The following FGFR1 variants were observed in gnomAD, a reference collection of about 807,000 sequenced individuals.
FGFR1 encodes fibroblast growth factor receptor 1, also known as FGFR1/PLAG1 fusion.
FGFR1 carries 18 observed loss-of-function variants against 93.7 expected under a neutral mutation model. The ratio of observed to expected loss-of-function variants is 0.19; its 90% CI spans 0.13 to 0.28. FGFR1 has a LOEUF of 0.28. Ranked by LOEUF, FGFR1 falls within the 10% of genes least tolerant of loss-of-function variation. The pLI is 1.00. For missense variants in FGFR1, 731 were observed against 1,080.4 expected (o/e 0.68, Z 4.53); for synonymous variants, 448 against 429.3 (o/e 1.04, Z -0.54).
Position 38,412,340 on chromosome 8 carries a change from G to T in FGFR1, c.*1288C>A, listed in dbSNP as rs897414382. The T allele has an allele frequency of 2.2e-5, 5 of 230,664 alleles. No individual in the cohort carries two copies. The highest frequency in any genetic ancestry group is 3.6e-4 in the South Asian group (2 of 5,510). 14.3% of individuals were successfully genotyped at this position (230,664 alleles called of 1,614,324 possible). A position where few individuals can be genotyped will look rare whatever the true frequency, so the allele number is the denominator to read the frequency against. On this transcript the variant is annotated 3_prime_UTR_variant, in exon 18 of 18. Coordinates refer to ENST00000447712, the MANE Select transcript of FGFR1 (RefSeq NM_023110.3). ...GCTGGGATTACAGGCGTGAGCAACC[G>T]CGCCCTTGCTTTCCTCTTAATCACT...
chr8:38,468,008 G>C lies in FGFR1; in HGVS notation c.-116C>G. 3 of 220,884 alleles carry C rather than the reference G, an allele frequency of 1.4e-5. No individual in the cohort carries two copies. The highest frequency in any genetic ancestry group is 2.7e-5 in the Non-Finnish European group (3 of 110,122). 13.7% of individuals were successfully genotyped at this position (220,884 alleles called of 1,614,324 possible). On this transcript the variant is annotated 5_prime_UTR_variant, in exon 1 of 18. Transcript: ENST00000447712. ...CGCTCGGCGTGGAGGTTCCGCCTCG[G>C]GAGAGTCCGCCGTGGCTTGTGCGAG...
At chr8:38,455,014 C>T (rs1832376415) in intron 2 of FGFR1, among the ~76,000 whole-genome samples, 2 of 128,380 alleles carry the variant, frequency 1.6e-5, no homozygotes, top group Non-Finnish European at 3.1e-5. Flanking sequence ...TTCACTCTGT[C>T]ACCCAGGCTG....
chr8:38,430,115 TGGGTC>T, intron 2 of FGFR1, 167 bp from the exon 3 acceptor site: 1 of 661,522 alleles, frequency 1.5e-6, no homozygotes, highest in Non-Finnish European at 2.5e-6. Context: ...AATTGGAGCA[TGGGTC>T]AGTGGGGAAA....
At chr8:38,444,725 C>G (rs1409267834) in intron 2 of FGFR1, among the ~76,000 whole-genome samples, 1 of 151,990 alleles carries the variant, frequency 6.6e-6, no homozygotes, top group Non-Finnish European at 1.5e-5. Context: ...GAGTGTGTGG[C>G]TCTGTGGTAG....
At chr8:38,416,353 C>T (rs945602498) in intron 12 of FGFR1, among the ~76,000 whole-genome samples, 6 of 151,894 alleles carry the variant, frequency 4.0e-5, no homozygotes, top group Admixed American at 6.6e-5. Context: ...GGCGCAATTT[C>T]GGCTCACTGC....
intron 2 of FGFR1, among the ~76,000 whole-genome samples, chr8:38,442,854 A>C (rs543263428): frequency 1.3e-5 from 2 of 152,302 alleles, no homozygotes; most frequent in Non-Finnish European, 1.5e-5. Flanking sequence ...TTGAGCTCAC[A>C]GTTCACCTGG....
At chr8:38,465,151 T>G (rs1182738927) in intron 1 of FGFR1, among the ~76,000 whole-genome samples, 2 of 152,164 alleles carry the variant, frequency 1.3e-5, no homozygotes, top group African/African-American at 4.8e-5. Context: ...TGGGGGACGC[T>G]TCTCCATTTC....
chr8:38,440,460 G>A (rs1016509267), intron 2 of FGFR1: 2 of 1,107,324 alleles, frequency 1.8e-6, no homozygotes, highest in African/African-American at 3.2e-5. Context: ...TGCAAAAATG[G>A]GGGGCACAGG....
At chr8:38,432,086 T>C (rs1436892755) in intron 2 of FGFR1, among the ~76,000 whole-genome samples, 6 of 152,272 alleles carry the variant, frequency 3.9e-5, no homozygotes, top group Non-Finnish European at 5.9e-5. Flanking sequence ...ACAAGGCCTA[T>C]TGCAGCCGAT....
rs777850582 is a variant in FGFR1, at chr8:38,413,828, C to G, written c.2293-24G>C. On this transcript the variant is annotated intron_variant, in intron 17 of 17. Coordinates refer to ENST00000447712, the MANE Select transcript of FGFR1 (RefSeq NM_023110.3). This position sits in a 1 kb window ranked among gnomAD's most constrained non-coding sequence, Gnocchi z 4.2. ...TCCTGTGATGGGCGAGAGGAAGCAG[C>G]GATGGGCCGGGCCCCTCCTCCCTGC... 1 of 1,613,816 alleles carries G rather than the reference C, an allele frequency of 6.2e-7. No homozygotes were observed. The highest frequency in any genetic ancestry group is 8.5e-7 in the Non-Finnish European group (1 of 1,179,842).
In FGFR1 at chr8:38,412,571, G is replaced by A. The variant is rs550448116; in HGVS notation, c.*1057C>T. 15 of 233,558 alleles carry A rather than the reference G, an allele frequency of 6.4e-5. No homozygotes were observed. Among genetic ancestry groups the A allele is most frequent in the Admixed American group, 2.8e-4 (5 of 17,804 alleles). 14.5% of individuals were successfully genotyped at this position (233,558 alleles called of 1,614,324 possible). A position where few individuals can be genotyped will look rare whatever the true frequency, so the allele number is the denominator to read the frequency against. On this transcript the variant is annotated 3_prime_UTR_variant, in exon 18 of 18. Transcript: ENST00000447712. ...CAAAAGCAGCGGAGAGGCAGGAGGT[G>A]CGTCGTGAGGTCTGGGTGCAGGACC... is the stretch of plus-strand genomic sequence containing the variant.
chr8:38,467,996 G>C lies in FGFR1; in HGVS notation c.-104C>G, dbSNP rs758537375. On this transcript the variant is annotated 5_prime_UTR_variant, in exon 1 of 18. Coordinates refer to ENST00000447712, the MANE Select transcript of FGFR1 (RefSeq NM_023110.3). Reference sequence around the variant, plus strand: ...CGGCTCTTACCTCGCTCGGCGTGGAGGTTCCGCCTCGGGAGAGTCCGCCGT... The same window carrying C: ...CGGCTCTTACCTCGCTCGGCGTGGACGTTCCGCCTCGGGAGAGTCCGCCGT... 4.6e-5 allele frequency: 10 copies of C among 219,568 alleles called. 1 individual carries two copies. The South Asian group carries it at 5.5e-4, about 12-fold the overall frequency. The allele number at this position is 219,568 out of a possible 1,614,324, so 13.6% of individuals were successfully genotyped here. A position where few individuals can be genotyped will look rare whatever the true frequency, so the allele number is the denominator to read the frequency against.
chr8:38,468,237 G>A lies in FGFR1; in HGVS notation c.-345C>T. 4.4e-6 allele frequency: 1 copy of A among 228,604 alleles called. No individual in the cohort carries two copies. The highest frequency in any genetic ancestry group is 8.7e-6 in the Non-Finnish European group (1 of 114,916). The allele number at this position is 228,604 out of a possible 1,614,324, so 14.2% of individuals were successfully genotyped here. A position where few individuals can be genotyped will look rare whatever the true frequency, so the allele number is the denominator to read the frequency against. On this transcript the variant is annotated 5_prime_UTR_variant, in exon 1 of 18. Transcript: ENST00000447712. ...GGAGGGCTCCCGTCCGCCACCCGGGGTCTCCAGACCTTGTGCCCCCCTCCT... is the reference window on the plus strand; with the variant it reads ...GGAGGGCTCCCGTCCGCCACCCGGGATCTCCAGACCTTGTGCCCCCCTCCT...
At position 38,412,866 on chromosome 8, in the gene FGFR1, T is replaced by C. The variant is rs886062914; in HGVS notation, c.*762A>G. 5 of 233,554 alleles carry C rather than the reference T, an allele frequency of 2.1e-5. No individual in the cohort carries two copies. Among genetic ancestry groups the C allele is most frequent in the Non-Finnish European group, 4.2e-5 (5 of 118,034 alleles). 14.5% of individuals were successfully genotyped at this position (233,554 alleles called of 1,614,324 possible). ...ATTTTCCTTTTTTTTCTTTTTTGTT[T>C]TTAATATATAGCAACTGATGCCTCC... On this transcript the variant is annotated 3_prime_UTR_variant, in exon 18 of 18. Coordinates refer to ENST00000447712, the MANE Select transcript of FGFR1 (RefSeq NM_023110.3).
chr8:38,452,286 G>A (rs1294207627), intron 2 of FGFR1, among the ~76,000 whole-genome samples: 1 of 151,812 alleles, frequency 6.6e-6, no homozygotes, highest in East Asian at 1.9e-4. Flanking sequence ...GGAAAACTCA[G>A]TGTGAACAGG....
rs141779740 is a variant in FGFR1 at position 38,418,520 on chromosome 8, A to G, written c.1285-147T>C. ...CTCAACACAGAGTGGTCCAAAGACCATGGTAGGCCAGGAGGCCCAACTTCT... is the reference window on the plus strand; with the variant it reads ...CTCAACACAGAGTGGTCCAAAGACCGTGGTAGGCCAGGAGGCCCAACTTCT... On this transcript the variant is annotated intron_variant, in intron 9 of 17. Transcript: ENST00000447712. 1.5e-4 allele frequency: 159 copies of G among 1,028,282 alleles called. 1 individual carries two copies. The East Asian group carries it at 4.1e-3, about 26-fold the overall frequency. The allele number at this position is 1,028,282 out of a possible 1,614,324, so 63.7% of individuals were successfully genotyped here. A position where few individuals can be genotyped will look rare whatever the true frequency, so the allele number is the denominator to read the frequency against.
chr8:38,432,202 G>A (rs1054354129), intron 2 of FGFR1, among the ~76,000 whole-genome samples: 1 of 152,030 alleles, frequency 6.6e-6, no homozygotes, highest in African/African-American at 2.4e-5. Flanking sequence ...GCCCTGGTGA[G>A]ACCCGCTCTA....
At chr8:38,423,748 G>C (rs1184730637) in intron 7 of FGFR1, 1 of 159,116 alleles carries the variant, frequency 6.3e-6, no homozygotes, top group Non-Finnish European at 1.4e-5. Context: ...ACTGGAGCAG[G>C]GGTTGTGAGT....
Position 38,439,981 on chromosome 8 carries a change from A to C in FGFR1, c.92-10033T>G, listed in dbSNP as rs137997657. Among the ~76,000 whole-genome samples, 262 of 152,332 alleles carry C rather than the reference A, an allele frequency of 1.7e-3. 3 individuals are homozygous for C. Among genetic ancestry groups the C allele is most frequent in the African/African-American group, 5.9e-3 (247 of 41,574 alleles). On this transcript the variant is annotated intron_variant, in intron 2 of 17. Coordinates refer to ENST00000447712, the MANE Select transcript of FGFR1 (RefSeq NM_023110.3). ...GGATAACTGGCCCCCAACAAAATCC[A>C]GGCATCCTCCATGAGCATGATGTCT...
Sources: allele counts gnomAD v4.1 joint callset (sites outside exome capture counted in the v4.1 genomes callset), GRCh38; gene constraint gnomAD v4.1.1; non-coding constraint Gnocchi (gnomAD v3.1); transcripts MANE v1.5; gene names NCBI Gene and HGNC (gene_info 2026-07-23, HGNC 2026-07-21).